KANTR: variants seen among roughly 807,000 people sequenced by gnomAD.
The protein encoded by KANTR is KDM5C adjacent transcript.
At chrX:53,122,166 T>G (rs1933232988) in intron 2 of KANTR, among the ~76,000 whole-genome samples, 1 of 112,316 alleles carries the variant, frequency 8.9e-6, no homozygotes, top group Admixed American at 9.5e-5. Flanking sequence ...AGTCCAGTTT[T>G]GGCCACTGGG....
chrX:53,107,302 C>CTTTTTTTTTTTTTTT (rs139264757), intron 2 of KANTR, among the ~76,000 whole-genome samples: 4 of 61,657 alleles, frequency 6.5e-5, no homozygotes, highest in African/African-American at 1.4e-4. Context: ...ATCCTCTTTG[C>CTTTTTTTTTTTTTTT]TTTTTTTTTT....
intron 2 of KANTR, among the ~76,000 whole-genome samples, chrX:53,117,764 G>T (rs1299300939): frequency 9.2e-6 from 1 of 108,193 alleles, no homozygotes; most frequent in Admixed American, 1.0e-4. Flanking sequence ...GGGATTACAG[G>T]TGTGCACCAC....
chrX:53,102,768 G>A lies in KANTR; in HGVS notation c.-805+3160G>A, dbSNP rs782346219. Among the ~76,000 whole-genome samples, 45 of 110,745 alleles carry A rather than the reference G, an allele frequency of 4.1e-4. 1 individual carries two copies. The highest frequency in any genetic ancestry group is 7.9e-4 in the Non-Finnish European group (42 of 52,969). ...CATATACAGACATACACCCATATCTGCCCATCATTACCATTTCTAAATGAA... is the reference window on the plus strand; with the variant it reads ...CATATACAGACATACACCCATATCTACCCATCATTACCATTTCTAAATGAA... On this transcript the variant is annotated intron_variant, in intron 2 of 2. Coordinates refer to ENST00000604062, the Ensembl canonical transcript of KANTR.
At chrX:53,120,753 G>A (rs1556815364) in intron 2 of KANTR, among the ~76,000 whole-genome samples, 3 of 110,234 alleles carry the variant, frequency 2.7e-5, no homozygotes, top group African/African-American at 6.6e-5. Context: ...TTCGCATCTC[G>A]CTCAGTTGCC....
chrX:53,112,518 G>T (rs193010958), intron 2 of KANTR, among the ~76,000 whole-genome samples: 2 of 111,926 alleles, frequency 1.8e-5, no homozygotes, highest in Non-Finnish European at 3.8e-5. Flanking sequence ...TTTTTGATTG[G>T]AAGGTTTTTT....
chrX:53,140,047 A>ATC (rs1556818229), intron 2 of KANTR, among the ~76,000 whole-genome samples: 2 of 112,497 alleles, frequency 1.8e-5, no homozygotes, highest in Non-Finnish European at 3.8e-5. Context: ...TAACAGTGAG[A>ATC]TACCAGTTTA....
At chrX:53,145,842 A>G (rs1191364128), downstream of KANTR, among the ~76,000 whole-genome samples, 1 of 112,036 alleles carries the variant, frequency 8.9e-6, no homozygotes, top group Non-Finnish European at 1.9e-5. Context: ...GCTGTTCACC[A>G]ATATCTGCTG....
downstream of KANTR, chrX:53,143,367 GC>G: frequency 1.3e-6 from 1 of 747,571 alleles, no homozygotes; most frequent in Non-Finnish European, 2.0e-6. Context: ...TCAGGTCCTG[GC>G]CAGCCAGGTC....
chrX:53,113,894 AAAAAC>A lies in KANTR; in HGVS notation c.-804-9565_-804-9561del, dbSNP rs781862087. On this transcript the variant is annotated intron_variant, in intron 2 of 2. Coordinates refer to ENST00000604062, the Ensembl canonical transcript of KANTR. Reference sequence around the variant, plus strand: ...CTGCACCCAGTCGATTGTACTTTTTAAAAACAAAACAAAATTTATTTTGAGACAGA... The same window carrying A: ...CTGCACCCAGTCGATTGTACTTTTTAAAAACAAAATTTATTTTGAGACAGA... Among the ~76,000 whole-genome samples, 380 of 103,053 alleles carry A rather than the reference AAAAAC, an allele frequency of 3.7e-3. 5 individuals are homozygous for A. Among genetic ancestry groups the A allele is most frequent in the Non-Finnish European group, 6.4e-3 (325 of 50,739 alleles). 89.5% of individuals were successfully genotyped at this position (103,053 alleles called of 115,157 possible). A position where few individuals can be genotyped will look rare whatever the true frequency, so the allele number is the denominator to read the frequency against.
intron 2 of KANTR, among the ~76,000 whole-genome samples, chrX:53,109,755 TTTC>T (rs1223317643): frequency 2.4e-4 from 12 of 50,613 alleles, no homozygotes; most frequent in East Asian, 1.6e-3. Context: ...TTCTTTTTTC[TTTC>T]TTTTTTTTTT....
chrX:53,130,268 A>G (rs1933345442), downstream of KANTR, among the ~76,000 whole-genome samples: 1 of 112,617 alleles, frequency 8.9e-6, no homozygotes, highest in South Asian at 3.6e-4. Context: ...TAACACAGGC[A>G]TGACATATTC....
chrX:53,103,036 G>A (rs1932908485), intron 2 of KANTR, among the ~76,000 whole-genome samples: 2 of 103,482 alleles, frequency 1.9e-5, no homozygotes, highest in Non-Finnish European at 3.9e-5. Context: ...CCAGGCTGGA[G>A]TGCAGTGGTG....
At chrX:53,130,989 T>G (rs1556816983), downstream of KANTR, among the ~76,000 whole-genome samples, 2 of 111,411 alleles carry the variant, frequency 1.8e-5, no homozygotes, top group African/African-American at 3.3e-5. Context: ...AGGGGATTTC[T>G]TAAGCAGTTA....
chrX:53,123,327 A>C (rs1448163634), intron 2 of KANTR, 142 bp from the exon 3 acceptor site: 1 of 111,768 alleles, frequency 8.9e-6, no homozygotes, highest in Non-Finnish European at 1.9e-5. Flanking sequence ...TAACAATTGG[A>C]ATTATATCTA....
At chrX:53,137,550 A>G (rs782151260) in intron 2 of KANTR, among the ~76,000 whole-genome samples, 7 of 111,039 alleles carry the variant, frequency 6.3e-5, no homozygotes, top group Non-Finnish European at 9.4e-5. Context: ...AGATCACCCG[A>G]GGCTGGGAGT....
chrX:53,133,371 A>G (rs1933383231), intron 2 of KANTR, among the ~76,000 whole-genome samples: 1 of 109,250 alleles, frequency 9.2e-6, no homozygotes, highest in African/African-American at 3.3e-5. Context: ...TGTCAAAAAA[A>G]AAAAAGAAAG....
intron 2 of KANTR, among the ~76,000 whole-genome samples, chrX:53,140,329 C>T (rs1556818298): frequency 9.0e-6 from 1 of 110,744 alleles, no homozygotes; most frequent in Non-Finnish European, 1.9e-5. Context: ...GGCGAAACCC[C>T]GTCCCTACCA....
At chrX:53,124,423 A>G (rs1556815950) in exon 3 of KANTR, 1 of 294,169 alleles carries the variant, frequency 3.4e-6, no homozygotes, top group African/African-American at 2.8e-5. Flanking sequence ...TTTGTTTTCT[A>G]TTTCTTTAAT....
rs148197477 is a variant in KANTR at position 53,107,146 on chromosome X, G to A, written c.-805+7538G>A. On this transcript the variant is annotated intron_variant, in intron 2 of 2. Transcript: ENST00000604062. ...TTTCAAGATTGTTTTGGCTATCCTT[G>A]CATTTTCATAGGAATTTTAGGATCA... 9.2e-3 allele frequency among the ~76,000 whole-genome samples: 998 copies of A among 107,902 alleles called. 64 individuals are homozygous for A. Among genetic ancestry groups the A allele is most frequent in the African/African-American group, 0.033 (944 of 28,726 alleles). The allele number at this position is 107,902 out of a possible 115,157, so 93.7% of individuals were successfully genotyped here. A position where few individuals can be genotyped will look rare whatever the true frequency, so the allele number is the denominator to read the frequency against.
Sources: gnomAD v4.1 joint callset for allele counts (sites outside exome capture counted in the v4.1 genomes callset) on GRCh38, gnomAD v4.1.1 for gene constraint, MANE v1.5 for transcripts, NCBI Gene and HGNC (gene_info 2026-07-23, HGNC 2026-07-21) for gene names.